MBLAC1: variants seen among roughly 807,000 people sequenced by gnomAD.
MBLAC1 encodes metallo-beta-lactamase domain-containing protein 1.
A neutral mutation model predicts 1.5 loss-of-function variants in MBLAC1; 1 was observed. That is an observed-to-expected ratio of 0.68 (90% CI 0.24 to 3.21). MBLAC1 has a LOEUF of 3.21. Among genes scored for constraint, MBLAC1 ranks in the 30% most tolerant of loss-of-function variants. MBLAC1 has a pLI of 0.20. For missense variants in MBLAC1, 371 were observed against 384.7 expected, an observed-to-expected ratio of 0.96 and a Z score of 0.30; for synonymous variants, 197 against 191.3, an observed-to-expected ratio of 1.03 and a Z score of -0.25.
In MBLAC1 at chr7:100,128,346, T is replaced by G. The variant is rs902839527; in HGVS notation, c.*150T>G. On this transcript the variant is annotated 3_prime_UTR_variant, in exon 2 of 2. Transcript: ENST00000398075. The stretch of plus-strand genomic sequence containing the variant: ...AGACAGAGTGCACCTGACACTGCCA[T>G]CACATCGTCAGTATCACTGCCTGTC... 1.5e-6 allele frequency: 1 copy of G among 666,854 alleles called. No homozygotes were observed. Among genetic ancestry groups the G allele is most frequent in the Non-Finnish European group, 2.6e-6 (1 of 387,212 alleles). The allele number at this position is 666,854 out of a possible 1,614,324, so 41.3% of individuals were successfully genotyped here. A position where few individuals can be genotyped will look rare whatever the true frequency, so the allele number is the denominator to read the frequency against.
Position 100,127,275 on chromosome 7 carries a change from C to A in MBLAC1, c.-28-93C>A. ...TTAATGGGAGGCGGGTGGCAGAGAA[C>A]CGAGGCTTAGGGGCAGTGGCGGGGC... On this transcript the variant is annotated intron_variant, in intron 1 of 1. Coordinates refer to ENST00000398075, the MANE Select transcript of MBLAC1 (RefSeq NM_203397.3). This position sits in a 1 kb window ranked among gnomAD's most constrained non-coding sequence, Gnocchi z 4.6. 1 of 963,534 alleles carries A rather than the reference C, an allele frequency of 1.0e-6. No individual in the cohort carries two copies. Among genetic ancestry groups the A allele is most frequent in the Non-Finnish European group, 1.5e-6 (1 of 672,422 alleles). 59.7% of individuals were successfully genotyped at this position (963,534 alleles called of 1,614,324 possible).
In MBLAC1 at chr7:100,127,442, G is replaced by A. The variant is rs867279201; in HGVS notation, c.47G>A (p.Gly16Asp). The change falls in exon 2 of 2, where the codon GGC becomes GAC. Residue 16 changes from glycine (G) to aspartate (D), a missense_variant. Coordinates refer to ENST00000398075, the MANE Select transcript of MBLAC1 (RefSeq NM_203397.3). The surrounding 1 kb of genome is among the most constrained non-coding windows in gnomAD (Gnocchi z 4.6). ...LCGASPLLVP[G>D]DPYSVVVLLQ... The stretch of plus-strand genomic sequence containing the variant: ...GGGGCATCCCCTCTGCTGGTGCCCG[G>A]CGACCCCTACTCTGTGGTGGTTCTG... The A allele has an allele frequency of 3.1e-6, 5 of 1,594,406 alleles. 1 individual carries two copies. The African/African-American group carries it at 6.7e-5, about 21-fold the overall frequency.
Position 100,127,509 on chromosome 7 carries a change from G to A in MBLAC1, c.114G>A (p.Val38=). The change falls in exon 2 of 2, where the codon GTG becomes GTA. Residue 38 remains valine (V), a synonymous_variant. Transcript: ENST00000398075. The surrounding 1 kb of genome is among the most constrained non-coding windows in gnomAD (Gnocchi z 4.6). ...AGCCAGAGGGTGTGGGCGATGCCGT[G>A]CGCGCCGACGGCTCCGTGACCCTGG... The part of the protein sequence containing the change: ...YAEPEGVGDA[V]RADGSVTLVL... The A allele has an allele frequency of 6.3e-7, 1 of 1,574,848 alleles. No individual in the cohort carries two copies. Among genetic ancestry groups the A allele is most frequent in the Non-Finnish European group, 8.6e-7 (1 of 1,168,940 alleles).
chr7:100,127,908 C>T lies in MBLAC1; in HGVS notation c.513C>T (p.Gly171=). ...TGTGGGCCACGCCGGGCCACGGGGG[C>T]CAGCGCGACGTGAGCGTGGTGGTGG... ...LEVWATPGHG[G]QRDVSVVVAG... Residue 171 remains glycine (G), a synonymous_variant, in exon 2 of 2, where the codon GGC becomes GGT. Transcript: ENST00000398075. This position sits in a 1 kb window ranked among gnomAD's most constrained non-coding sequence, Gnocchi z 4.6. 1 of 1,574,892 alleles carries T rather than the reference C, an allele frequency of 6.3e-7. No homozygotes were observed. Among genetic ancestry groups the T allele is most frequent in the Non-Finnish European group, 8.6e-7 (1 of 1,159,914 alleles).
At position 100,127,929 on chromosome 7, in the gene MBLAC1, G is replaced by A. The variant is rs1333179658; in HGVS notation, c.534G>A (p.Val178=). The A allele has an allele frequency of 1.3e-5, 20 of 1,590,734 alleles. No homozygotes were observed. The Admixed American group carries it at 3.4e-4, about 27-fold the overall frequency. The stretch of plus-strand genomic sequence containing the variant: ...GGGGCCAGCGCGACGTGAGCGTGGT[G>A]GTGGCCGGCACGGCTCTGGGCACCG... ...GHGGQRDVSV[V]VAGTALGTVV... is the part of the protein sequence containing the mutation. The change falls in exon 2 of 2, where the codon GTG becomes GTA. Residue 178 remains valine (V), a synonymous_variant. Coordinates refer to ENST00000398075, the MANE Select transcript of MBLAC1 (RefSeq NM_203397.3). This position sits in a 1 kb window ranked among gnomAD's most constrained non-coding sequence, Gnocchi z 4.6.
In MBLAC1 at chr7:100,127,773, C is replaced by T; in HGVS notation, c.378C>T (p.Phe126=). ...ATCACATCGGGAACTTGGGGCTGTT[C>T]CCAGGCGCGGCTCTGCTGGTCTCGC... The part of the protein sequence containing the change: ...HSDHIGNLGL[F]PGAALLVSHD... The change falls in exon 2 of 2, where the codon TTC becomes TTT. Residue 126 remains phenylalanine (F), a synonymous_variant. Coordinates refer to ENST00000398075, the MANE Select transcript of MBLAC1 (RefSeq NM_203397.3). The surrounding 1 kb of genome is among the most constrained non-coding windows in gnomAD (Gnocchi z 4.6). 6.4e-7 allele frequency: 1 copy of T among 1,560,634 alleles called. No homozygotes were observed. The highest frequency in any genetic ancestry group is 8.7e-7 in the Non-Finnish European group (1 of 1,155,218).
At position 100,127,281 on chromosome 7, in the gene MBLAC1, C is replaced by G; in HGVS notation, c.-28-87C>G. On this transcript the variant is annotated intron_variant, in intron 1 of 1. Coordinates refer to ENST00000398075, the MANE Select transcript of MBLAC1 (RefSeq NM_203397.3). This position sits in a 1 kb window ranked among gnomAD's most constrained non-coding sequence, Gnocchi z 4.6. ...GGAGGCGGGTGGCAGAGAACCGAGGCTTAGGGGCAGTGGCGGGGCCGAGCG... is the reference window on the plus strand; with the variant it reads ...GGAGGCGGGTGGCAGAGAACCGAGGGTTAGGGGCAGTGGCGGGGCCGAGCG... The G allele has an allele frequency of 2.0e-6, 2 of 1,022,044 alleles. No homozygotes were observed. Among genetic ancestry groups the G allele is most frequent in the African/African-American group, 1.7e-5 (1 of 59,896 alleles). 63.3% of individuals were successfully genotyped at this position (1,022,044 alleles called of 1,614,324 possible).
Position 100,127,446 on chromosome 7 carries a change from C to A in MBLAC1, c.51C>A (p.Asp17Glu), listed in dbSNP as rs1798253656. 6.3e-7 allele frequency: 1 copy of A among 1,594,478 alleles called. No individual in the cohort carries two copies. Residue 17 changes from aspartate (D) to glutamate (E), a missense_variant, in exon 2 of 2, where the codon GAC becomes GAA. Transcript: ENST00000398075. This position sits in a 1 kb window ranked among gnomAD's most constrained non-coding sequence, Gnocchi z 4.6. ...CGASPLLVPG[D>E]PYSVVVLLQG... ...CATCCCCTCTGCTGGTGCCCGGCGA[C>A]CCCTACTCTGTGGTGGTTCTGCTGC... is the stretch of plus-strand genomic sequence containing the variant.
Position 100,127,982 on chromosome 7 carries a change from G to C in MBLAC1, c.587G>C (p.Arg196Pro), listed in dbSNP as rs1584594619. 1 of 1,612,616 alleles carries C rather than the reference G, an allele frequency of 6.2e-7. No individual in the cohort carries two copies. The highest frequency in any genetic ancestry group is 8.5e-7 in the Non-Finnish European group (1 of 1,179,416). ...GTGGTGGCGGGAGATGTGTTTGAGC[G>C]AGATGGGGACGAGGATTCGTGGCAG... ...TVVVAGDVFE[R>P]DGDEDSWQAL... Residue 196 changes from arginine to proline, a missense_variant, in exon 2 of 2, where the codon CGA (arginine) becomes CCA (proline). Arg to Pro is a moderately radical substitution (Grantham distance 103). Coordinates refer to ENST00000398075, the MANE Select transcript of MBLAC1 (RefSeq NM_203397.3). This position sits in a 1 kb window ranked among gnomAD's most constrained non-coding sequence, Gnocchi z 4.6.
In MBLAC1 at chr7:100,127,307, C is replaced by G; in HGVS notation, c.-28-61C>G. 7.8e-7 allele frequency: 1 copy of G among 1,279,982 alleles called. No individual in the cohort carries two copies. Among genetic ancestry groups the G allele is most frequent in the Non-Finnish European group, 1.0e-6 (1 of 953,918 alleles). The allele number at this position is 1,279,982 out of a possible 1,614,324, so 79.3% of individuals were successfully genotyped here. A position where few individuals can be genotyped will look rare whatever the true frequency, so the allele number is the denominator to read the frequency against. On this transcript the variant is annotated intron_variant, in intron 1 of 1. Coordinates refer to ENST00000398075, the MANE Select transcript of MBLAC1 (RefSeq NM_203397.3). The surrounding 1 kb of genome is among the most constrained non-coding windows in gnomAD (Gnocchi z 4.6). ...TTAGGGGCAGTGGCGGGGCCGAGCG[C>G]GGGTGGGGGATCGCGGAGGGACAGG...
chr7:100,128,211 G>A lies in MBLAC1; in HGVS notation c.*15G>A. 3 of 1,560,282 alleles carry A rather than the reference G, an allele frequency of 1.9e-6. No homozygotes were observed. The highest frequency in any genetic ancestry group is 2.6e-6 in the Non-Finnish European group (3 of 1,150,184). Reference sequence around the variant, plus strand: ...CCCTGCACTAATCAGCCTCGAGAGGGACTGCACTCTTGTCAGGGAAGCCCT... The same window carrying A: ...CCCTGCACTAATCAGCCTCGAGAGGAACTGCACTCTTGTCAGGGAAGCCCT... On this transcript the variant is annotated 3_prime_UTR_variant, in exon 2 of 2. Transcript: ENST00000398075.
rs1006597026 is a variant in MBLAC1 at position 100,127,496 on chromosome 7, T to G, written c.101T>G (p.Val34Gly). 5.1e-6 allele frequency: 8 copies of G among 1,581,972 alleles called. No homozygotes were observed. The highest frequency in any genetic ancestry group is 6.0e-6 in the Non-Finnish European group (7 of 1,172,372). The change falls in exon 2 of 2, where the codon GTG becomes GGG. Residue 34 changes from valine to glycine, a missense_variant. Transcript: ENST00000398075. This position sits in a 1 kb window ranked among gnomAD's most constrained non-coding sequence, Gnocchi z 4.6. ...LLQGYAEPEG[V>G]GDAVRADGSV... is the part of the protein sequence containing the mutation. ...CAGGGCTACGCGGAGCCAGAGGGTG[T>G]GGGCGATGCCGTGCGCGCCGACGGC...
Position 100,127,197 on chromosome 7 carries a change from T to C in MBLAC1, c.-29+133T>C. 1 of 554,354 alleles carries C rather than the reference T, an allele frequency of 1.8e-6. No homozygotes were observed. The highest frequency in any genetic ancestry group is 3.1e-6 in the Non-Finnish European group (1 of 319,588). 34.3% of individuals were successfully genotyped at this position (554,354 alleles called of 1,614,324 possible). A position where few individuals can be genotyped will look rare whatever the true frequency, so the allele number is the denominator to read the frequency against. ...GCCGAGGGAGGGGCGGGCCCAAGTG[T>C]GAAGGGAGTCTGGGCGATACCATTT... is the stretch of plus-strand genomic sequence containing the variant. On this transcript the variant is annotated intron_variant, in intron 1 of 1. Coordinates refer to ENST00000398075, the MANE Select transcript of MBLAC1 (RefSeq NM_203397.3). The surrounding 1 kb of genome is among the most constrained non-coding windows in gnomAD (Gnocchi z 4.6).
In MBLAC1 at chr7:100,127,371, G is replaced by T. The variant is rs745623839; in HGVS notation, c.-25G>T. 3.2e-6 allele frequency: 5 copies of T among 1,563,268 alleles called. No homozygotes were observed. In the Admixed American group the frequency reaches 7.3e-5, roughly 23 times the overall value. On this transcript the variant is annotated 5_prime_UTR_variant, in exon 2 of 2. Coordinates refer to ENST00000398075, the MANE Select transcript of MBLAC1 (RefSeq NM_203397.3). The surrounding 1 kb of genome is among the most constrained non-coding windows in gnomAD (Gnocchi z 4.6). ...GCTCCATTTCCTTTCTCCCCAGCCCGTCCCTCCCTGCCAGGAGCAGCCTCA... is the reference window on the plus strand; with the variant it reads ...GCTCCATTTCCTTTCTCCCCAGCCCTTCCCTCCCTGCCAGGAGCAGCCTCA...
chr7:100,127,582 C>T lies in MBLAC1; in HGVS notation c.187C>T (p.Arg63Cys), dbSNP rs990815356. The change falls in exon 2 of 2, where the codon CGC becomes TGC. Residue 63 changes from arginine (R) to cysteine (C), a missense_variant. Coordinates refer to ENST00000398075, the MANE Select transcript of MBLAC1 (RefSeq NM_203397.3). This position sits in a 1 kb window ranked among gnomAD's most constrained non-coding sequence, Gnocchi z 4.6. ...GGCCTCCAGCCACCGAGAGTCCCCG[C>T]GCGGGAGTGGCGGCGCAGAGGCCGC... ...GPASSHRESP[R>C]GSGGAEAALE... 1.4e-6 allele frequency: 2 copies of T among 1,423,874 alleles called. No homozygotes were observed. Among genetic ancestry groups the T allele is most frequent in the South Asian group, 1.5e-5 (1 of 65,580 alleles). The allele number at this position is 1,423,874 out of a possible 1,614,324, so 88.2% of individuals were successfully genotyped here.
chr7:100,128,175 C>T lies in MBLAC1; in HGVS notation c.780C>T (p.Asp260=). ...GCCAGCAGGAGCCGGTGGTCGGAGACGAGGAGCCCGCCCTGCACTAATCAG... is the reference window on the plus strand; with the variant it reads ...GCCAGCAGGAGCCGGTGGTCGGAGATGAGGAGCCCGCCCTGCACTAATCAG... ...GNSQQEPVVG[D]EEPALH Residue 260 remains aspartate (D), a synonymous_variant, in exon 2 of 2, where the codon GAC becomes GAT. Coordinates refer to ENST00000398075, the MANE Select transcript of MBLAC1 (RefSeq NM_203397.3). 6.3e-7 allele frequency: 1 copy of T among 1,594,756 alleles called. No homozygotes were observed. Among genetic ancestry groups the T allele is most frequent in the Non-Finnish European group, 8.5e-7 (1 of 1,170,692 alleles).
rs1443020023 is a variant in MBLAC1, at chr7:100,127,188, G to A, written c.-29+124G>A. 1.5e-5 allele frequency: 8 copies of A among 550,778 alleles called. No individual in the cohort carries two copies. The highest frequency in any genetic ancestry group is 2.5e-5 in the Non-Finnish European group (8 of 315,224). The allele number at this position is 550,778 out of a possible 1,614,324, so 34.1% of individuals were successfully genotyped here. On this transcript the variant is annotated intron_variant, in intron 1 of 1. Transcript: ENST00000398075. This position sits in a 1 kb window ranked among gnomAD's most constrained non-coding sequence, Gnocchi z 4.6. ...GCCGAGGACGCCGAGGGAGGGGCGG[G>A]CCCAAGTGTGAAGGGAGTCTGGGCG...
rs542697307 is a variant in MBLAC1 at position 100,127,797 on chromosome 7, G to T, written c.402G>T (p.Ser134=). 2.7e-5 allele frequency: 42 copies of T among 1,581,412 alleles called. No homozygotes were observed. The East Asian group carries it at 9.4e-4, about 36-fold the overall frequency. The change falls in exon 2 of 2, where the codon TCG becomes TCT. Residue 134 remains serine, a synonymous_variant. Coordinates refer to ENST00000398075, the MANE Select transcript of MBLAC1 (RefSeq NM_203397.3). This position sits in a 1 kb window ranked among gnomAD's most constrained non-coding sequence, Gnocchi z 4.6. ...GLFPGAALLV[S]HDFCLPGGRY... ...TCCCAGGCGCGGCTCTGCTGGTCTCGCACGACTTCTGCCTTCCCGGAGGCC... is the reference window on the plus strand; with the variant it reads ...TCCCAGGCGCGGCTCTGCTGGTCTCTCACGACTTCTGCCTTCCCGGAGGCC...
At position 100,128,089 on chromosome 7, in the gene MBLAC1, G is replaced by C. The variant is rs1385548452; in HGVS notation, c.694G>C (p.Gly232Arg). The C allele has an allele frequency of 6.2e-7, 1 of 1,610,432 alleles. No homozygotes were observed. Among genetic ancestry groups the C allele is most frequent in the South Asian group, 1.1e-5 (1 of 90,378 alleles). The change falls in exon 2 of 2, where the codon GGG becomes CGG. Residue 232 changes from glycine to arginine, a missense_variant. Coordinates refer to ENST00000398075, the MANE Select transcript of MBLAC1 (RefSeq NM_203397.3). ...VVADVVVPGH[G>R]PPFRVLREAS... ...TGCCGACGTGGTCGTACCTGGTCACGGGCCCCCCTTTCGAGTGTTAAGGGA... is the reference window on the plus strand; with the variant it reads ...TGCCGACGTGGTCGTACCTGGTCACCGGCCCCCCTTTCGAGTGTTAAGGGA...
Sources: allele counts gnomAD v4.1 joint callset, GRCh38; gene constraint gnomAD v4.1.1; non-coding constraint Gnocchi (gnomAD v3.1); transcripts MANE v1.5; gene names NCBI Gene and HGNC (gene_info 2026-07-23, HGNC 2026-07-21).